ASIC2: variants seen among roughly 807,000 people sequenced by gnomAD.
The protein encoded by ASIC2 is acid sensing ion channel subunit 2, also known as acid-sensing ion channel 2.
Under a neutral mutation model 57.3 loss-of-function variants are expected in ASIC2, and 25 were observed. That is an observed-to-expected ratio of 0.44 (90% confidence interval 0.32 to 0.61). ASIC2 has a LOEUF of 0.61. Ranked by LOEUF, ASIC2 falls within the 20% of genes least tolerant of loss-of-function variation. The probability of loss-of-function intolerance (pLI) is 0.06; values close to 1 mark genes in which losing one functional copy is unlikely to be tolerated. For synonymous variants in ASIC2, 319 were observed against 307.5 expected (o/e 1.04, Z -0.39); for missense variants, 641 against 738.1 (o/e 0.87, Z 1.52).
chr17:33,031,579 G>A (rs948591673), intron 3 of ASIC2, among the ~76,000 whole-genome samples: 8 of 152,134 alleles, frequency 5.3e-5, no homozygotes, highest in African/African-American at 1.9e-4. Flanking sequence ...TTCTGTAACT[G>A]TTGGCGTACT....
intron 1 of ASIC2, chr17:34,038,323 C>G: frequency 1.9e-6 from 3 of 1,610,374 alleles, no homozygotes; most frequent in East Asian, 4.5e-5. Context: ...CTGTACAAAA[C>G]GAGTCAGTAT....
intron 1 of ASIC2, among the ~76,000 whole-genome samples, chr17:33,549,700 C>T (rs558089247): frequency 1.3e-5 from 2 of 152,252 alleles, no homozygotes; most frequent in South Asian, 2.1e-4. Flanking sequence ...ATCTACAGTC[C>T]TGTTCTTTCC....
At chr17:33,574,293 C>T (rs1457681623) in intron 1 of ASIC2, among the ~76,000 whole-genome samples, 4 of 152,172 alleles carry the variant, frequency 2.6e-5, no homozygotes, top group Admixed American at 2.6e-4. Flanking sequence ...CCCTGATGAT[C>T]CACCAGGCAG....
Position 33,783,543 on chromosome 17 carries a change from G to C in ASIC2, c.555+372435C>G, listed in dbSNP as rs1011180122. Among the ~76,000 whole-genome samples, 7 of 152,322 alleles carry C rather than the reference G, an allele frequency of 4.6e-5. No individual in the cohort carries two copies. The East Asian group carries it at 1.4e-3, about 29-fold the overall frequency. The stretch of plus-strand genomic sequence containing the variant: ...GAGCATTGGCAGTGGCCTTTAAACT[G>C]CACTGCAGAGCAGAGCTCCAGGGTT... On this transcript the variant is annotated intron_variant, in intron 1 of 9. Coordinates refer to the ASIC2 transcript ENST00000359872.
intron 1 of ASIC2, among the ~76,000 whole-genome samples, chr17:33,729,176 G>T (rs1597852289): frequency 6.6e-6 from 1 of 152,170 alleles, no homozygotes; most frequent in Non-Finnish European, 1.5e-5. Context: ...CTGCTTCTAG[G>T]GAGGTCTCTC....
intron 1 of ASIC2, among the ~76,000 whole-genome samples, chr17:33,673,996 C>A (rs768516248): frequency 1.3e-5 from 2 of 151,538 alleles, no homozygotes; most frequent in South Asian, 2.1e-4. Context: ...TGGGTTCAAG[C>A]GATTTCCCTG....
At chr17:33,950,146 C>T (rs1330619032) in intron 1 of ASIC2, among the ~76,000 whole-genome samples, 1 of 152,228 alleles carries the variant, frequency 6.6e-6, no homozygotes, top group African/African-American at 2.4e-5. Flanking sequence ...AGAAATCCTT[C>T]AGGGTCATTG....
intron 1 of ASIC2, among the ~76,000 whole-genome samples, chr17:34,047,223 T>G (rs1908371556): frequency 6.6e-6 from 1 of 152,120 alleles, no homozygotes; most frequent in Non-Finnish European, 1.5e-5. Context: ...CGTGTATGTA[T>G]TCAACATATT....
intron 1 of ASIC2, among the ~76,000 whole-genome samples, chr17:33,190,069 T>C (rs1348332103): frequency 6.6e-6 from 1 of 152,114 alleles, no homozygotes. Context: ...ACAGAAGGCA[T>C]ATAAATTGGA....
chr17:33,150,588 G>A (rs1904744430), intron 1 of ASIC2, among the ~76,000 whole-genome samples: 1 of 152,082 alleles, frequency 6.6e-6, no homozygotes. Flanking sequence ...GGGGGTTCAT[G>A]CCTGTAATCC....
intron 1 of ASIC2, among the ~76,000 whole-genome samples, chr17:33,760,493 T>C (rs1207797017): frequency 6.6e-5 from 10 of 151,950 alleles, no homozygotes; most frequent in Admixed American, 3.3e-4. Flanking sequence ...GCTCTCTCTA[T>C]AGATATGCAT....
chr17:33,594,645 G>A (rs565538852), intron 1 of ASIC2, among the ~76,000 whole-genome samples: 1 of 151,930 alleles, frequency 6.6e-6, no homozygotes, highest in Non-Finnish European at 1.5e-5. Context: ...TGGCTAACAC[G>A]GTGAAACCCC....
intron 1 of ASIC2, among the ~76,000 whole-genome samples, chr17:33,207,336 C>T (rs73279777): frequency 0.024 from 3,694 of 152,292 alleles, 144 homozygotes; most frequent in African/African-American, 0.084. Context: ...GAAGCTAAGG[C>T]TGTGGCAAGT....
At chr17:33,053,259 G>C (rs548489339) in intron 3 of ASIC2, among the ~76,000 whole-genome samples, 70 of 152,326 alleles carry the variant, frequency 4.6e-4, no homozygotes, top group Non-Finnish European at 8.7e-4. Flanking sequence ...TTCTGAGTTA[G>C]CATGATGGCT....
At chr17:33,820,571 G>A (rs1459159040) in intron 1 of ASIC2, among the ~76,000 whole-genome samples, 1 of 152,042 alleles carries the variant, frequency 6.6e-6, no homozygotes, top group Non-Finnish European at 1.5e-5. Context: ...CAGTCAATAA[G>A]GTTTGTTCTA....
intron 3 of ASIC2, among the ~76,000 whole-genome samples, chr17:33,034,845 C>A (rs1052158741): frequency 1.3e-5 from 2 of 152,098 alleles, no homozygotes; most frequent in Admixed American, 1.3e-4. Context: ...TCTTGAGAAT[C>A]CTGGATCTAT....
chr17:33,362,300 AC>A (rs5820034), intron 1 of ASIC2, among the ~76,000 whole-genome samples: 17,738 of 152,266 alleles, frequency 0.12, 1,184 homozygotes, highest in Middle Eastern at 0.19. Flanking sequence ...CTTGAAGCCT[AC>A]CTGTAAATGC....
At chr17:33,785,600 C>G (rs1171062003) in intron 1 of ASIC2, among the ~76,000 whole-genome samples, 1 of 152,148 alleles carries the variant, frequency 6.6e-6, no homozygotes, top group Non-Finnish European at 1.5e-5. Context: ...CTTTCCTTCC[C>G]AACAATTTTT....
intron 1 of ASIC2, among the ~76,000 whole-genome samples, chr17:33,910,217 C>A (rs117902656): frequency 2.0e-5 from 3 of 152,082 alleles, no homozygotes; most frequent in Non-Finnish European, 4.4e-5. Flanking sequence ...ATCCATATTC[C>A]GGTTGGATGA....
Sources: gnomAD v4.1 joint callset for allele counts (sites outside exome capture counted in the v4.1 genomes callset) on GRCh38, gnomAD v4.1.1 for gene constraint, MANE v1.5 for transcripts, NCBI Gene and HGNC (gene_info 2026-07-23, HGNC 2026-07-21) for gene names.